MMP20: variants seen among roughly 807,000 people sequenced by gnomAD.
MMP20 encodes matrix metallopeptidase 20, also known as matrix metalloproteinase-20.
In MMP20, 50 loss-of-function variants were observed where a neutral mutation model predicts 51.8. The ratio of observed to expected loss-of-function variants is 0.97; its 90% CI spans 0.77 to 1.22. The LOEUF (loss-of-function observed/expected upper bound fraction) is 1.22. MMP20 is among the 50% of genes most tolerant of loss of function. The pLI is 0.00. For synonymous variants in MMP20, 244 were observed against 216.2 expected (o/e 1.13, Z -1.13); for missense variants, 663 against 601.4 (o/e 1.10, Z -1.07).
At position 102,593,365 on chromosome 11, in the gene MMP20, G is replaced by A. The variant is rs548985085; in HGVS notation, c.1247+74C>T. On this transcript the variant is annotated intron_variant, in intron 8 of 9. Transcript: ENST00000260228. Reference sequence around the variant, plus strand: ...TCGCAAACTTGCTTTGCATTCTTTCGTGGAAGGGTTTTTATCTTTTTAAAA... The same window carrying A: ...TCGCAAACTTGCTTTGCATTCTTTCATGGAAGGGTTTTTATCTTTTTAAAA... The A allele has an allele frequency of 2.9e-5, 44 of 1,525,696 alleles. No individual in the cohort carries two copies. The South Asian group carries it at 3.2e-4, about 11-fold the overall frequency. 94.5% of individuals were successfully genotyped at this position (1,525,696 alleles called of 1,614,324 possible).
chr11:102,615,320 G>A (rs1042286735), intron 2 of MMP20, among the ~76,000 whole-genome samples: 1 of 148,884 alleles, frequency 6.7e-6, no homozygotes, highest in African/African-American at 2.5e-5. Flanking sequence ...TTAATGTAAT[G>A]TAATATGATT....
chr11:102,608,295 T>C (rs1404238318), intron 5 of MMP20, among the ~76,000 whole-genome samples: 1 of 152,242 alleles, frequency 6.6e-6, no homozygotes, highest in Non-Finnish European at 1.5e-5. Context: ...GATTAATTGG[T>C]TTGTTTTTCC....
Position 102,603,244 on chromosome 11 carries a change from C to T in MMP20, c.953+3291G>A, listed in dbSNP as rs144110704. Among the ~76,000 whole-genome samples, 46 of 152,284 alleles carry T rather than the reference C, an allele frequency of 3.0e-4. 2 individuals are homozygous for T. The highest frequency in any genetic ancestry group is 1.6e-3 in the Admixed American group (25 of 15,294). On this transcript the variant is annotated intron_variant, in intron 6 of 9. Coordinates refer to ENST00000260228, the MANE Select transcript of MMP20 (RefSeq NM_004771.4). Reference sequence around the variant, plus strand: ...TGAGTGGGAGAGAAGAGACTGGGAGCGCTTTCATAATCAGTGGCTCCCTGG... The same window carrying T: ...TGAGTGGGAGAGAAGAGACTGGGAGTGCTTTCATAATCAGTGGCTCCCTGG...
chr11:102,611,517 T>C (rs1342267054), intron 3 of MMP20, among the ~76,000 whole-genome samples: 1 of 152,210 alleles, frequency 6.6e-6, no homozygotes, highest in East Asian at 1.9e-4. Context: ...ATAATGAAAG[T>C]TTGTTACAGT....
intron 6 of MMP20, among the ~76,000 whole-genome samples, chr11:102,597,762 ATTTCT>A (rs1318780236): frequency 1.3e-5 from 2 of 152,052 alleles, no homozygotes; most frequent in African/African-American, 4.8e-5. Context: ...ATTATGACAA[ATTTCT>A]TTTCTTTTCT....
chr11:102,621,555 CA>C (rs779792695), intron 1 of MMP20, among the ~76,000 whole-genome samples: 26 of 152,290 alleles, frequency 1.7e-4, no homozygotes, highest in Non-Finnish European at 3.1e-4. Context: ...TTAAATGTGA[CA>C]AAATACTTTC....
intron 2 of MMP20, among the ~76,000 whole-genome samples, chr11:102,615,378 C>T (rs903218657): frequency 6.6e-6 from 1 of 151,522 alleles, no homozygotes; most frequent in African/African-American, 2.4e-5. Context: ...TCTTAGCAAC[C>T]AGCTCACAAA....
At chr11:102,601,951 C>CT (rs11367730) in intron 6 of MMP20, among the ~76,000 whole-genome samples, 3,584 of 122,834 alleles carry the variant, frequency 0.029, 167 homozygotes, top group African/African-American at 0.098. Context: ...TTCTTTCTTT[C>CT]TTTTTTTTTT....
chr11:102,601,125 CTTTTTTTTTTTTTTTT>C lies in MMP20; in HGVS notation c.953+5394_953+5409del, dbSNP rs1168517234. ...AAATGACCACGAAGTGTCGGCTATT[CTTTTTTTTTTTTTTTT>C]TTTTTTTTTGAGACGGAGTCTCGCT... On this transcript the variant is annotated intron_variant, in intron 6 of 9. Transcript: ENST00000260228. 7.1e-5 allele frequency among the ~76,000 whole-genome samples: 2 copies of C among 28,266 alleles called. 1 individual carries two copies. The highest frequency in any genetic ancestry group is 2.9e-3 in the South Asian group (2 of 688). 18.5% of individuals were successfully genotyped at this position (28,266 alleles called of 152,430 possible).
intron 6 of MMP20, among the ~76,000 whole-genome samples, chr11:102,596,448 C>G (rs2135935181): frequency 6.6e-6 from 1 of 152,166 alleles, no homozygotes; most frequent in South Asian, 2.1e-4. Flanking sequence ...ATCATGAGAC[C>G]ATTATAAGGA....
chr11:102,589,979 G>A lies in MMP20; in HGVS notation c.1247+3460C>T, dbSNP rs554982629. Reference sequence around the variant, plus strand: ...TTCTACTTTGCAGCAATGATGCCCCGAGTCTGACTGTACAGAAAGAGTGAT... The same window carrying A: ...TTCTACTTTGCAGCAATGATGCCCCAAGTCTGACTGTACAGAAAGAGTGAT... On this transcript the variant is annotated intron_variant, in intron 8 of 9. Transcript: ENST00000260228. Among the ~76,000 whole-genome samples, 17 of 152,252 alleles carry A rather than the reference G, an allele frequency of 1.1e-4. No individual in the cohort carries two copies. In the South Asian group the frequency reaches 1.9e-3, roughly 17 times the overall value.
At position 102,606,632 on chromosome 11, in the gene MMP20, G is replaced by A. The variant is rs1859521067; in HGVS notation, c.856C>T (p.Pro286Ser). The A allele has an allele frequency of 6.2e-7, 1 of 1,613,814 alleles. No homozygotes were observed. Among genetic ancestry groups the A allele is most frequent in the African/African-American group, 1.3e-5 (1 of 74,896 alleles). The change falls in exon 6 of 10, where the codon CCC (proline) becomes TCC (serine). Residue 286 changes from proline (P) to serine (S), a missense_variant. Coordinates refer to ENST00000260228, the MANE Select transcript of MMP20 (RefSeq NM_004771.4). ...FLGKPTLPHA[P>S]HHKPSIPDLC... ...TCAGGGATGGATGGCTTGTGATGGG[G>A]GGCATGGGGCAGAGTGGGCTTCCCC...
At chr11:102,623,637 C>A (rs923623767) in intron 1 of MMP20, among the ~76,000 whole-genome samples, 1 of 152,116 alleles carries the variant, frequency 6.6e-6, no homozygotes, top group Non-Finnish European at 1.5e-5. Context: ...TGCAAAGGAC[C>A]AATAATTAAT....
intron 8 of MMP20, among the ~76,000 whole-genome samples, chr11:102,586,851 A>G (rs1219742794): frequency 6.6e-6 from 1 of 152,134 alleles, no homozygotes; most frequent in East Asian, 1.9e-4. Context: ...TATTTGATCA[A>G]TCTAGTAGAA....
intron 8 of MMP20, among the ~76,000 whole-genome samples, chr11:102,587,939 C>G (rs1218712189): frequency 6.6e-6 from 1 of 152,108 alleles, no homozygotes; most frequent in Non-Finnish European, 1.5e-5. Flanking sequence ...AATCTATTCA[C>G]ATTTAATGTT....
chr11:102,609,716 G>A (rs563765198), intron 4 of MMP20, among the ~76,000 whole-genome samples, 189 bp downstream of exon 4: 1 of 152,268 alleles, frequency 6.6e-6, no homozygotes, highest in East Asian at 1.9e-4. Context: ...GATCAGACAA[G>A]TCTACAACAC....
intron 5 of MMP20, 140 bp from the exon 6 acceptor site, chr11:102,606,816 T>A: frequency 2.0e-6 from 2 of 990,682 alleles, no homozygotes; most frequent in African/African-American, 3.2e-5. Context: ...CAGGTATGGG[T>A]TTGAGTCCCG....
chr11:102,586,170 G>T (rs1033017312), intron 8 of MMP20, among the ~76,000 whole-genome samples: 1 of 152,108 alleles, frequency 6.6e-6, no homozygotes, highest in Admixed American at 6.5e-5. Context: ...TGAAAAACTG[G>T]TATTAATTCT....
intron 1 of MMP20, among the ~76,000 whole-genome samples, chr11:102,617,343 C>T (rs145375415): frequency 1.1e-3 from 168 of 152,246 alleles, no homozygotes; most frequent in African/African-American, 3.9e-3. Context: ...AACAAATACG[C>T]CTTTTTGCTT....
Sources: allele counts gnomAD v4.1 joint callset (sites outside exome capture counted in the v4.1 genomes callset), GRCh38; gene constraint gnomAD v4.1.1; transcripts MANE v1.5; gene names NCBI Gene and HGNC (gene_info 2026-07-23, HGNC 2026-07-21).